SLC16A2: variants seen among roughly 807,000 people sequenced by gnomAD.
The protein encoded by SLC16A2 is solute carrier family 16 member 2.
In SLC16A2, 3 loss-of-function variants were observed where a neutral mutation model predicts 27.2. That is an observed-to-expected ratio of 0.11 (90% CI 0.05 to 0.28). SLC16A2 has a LOEUF of 0.28. Ranked by LOEUF, SLC16A2 falls within the 10% of genes least tolerant of loss-of-function variation. SLC16A2 has a pLI of 1.00. For missense variants in SLC16A2, 295 were observed against 458.5 expected (o/e 0.64, Z 3.26); for synonymous variants, 202 against 187.8 (o/e 1.08, Z -0.62).
chrX:74,421,956 G>A lies in SLC16A2; in HGVS notation c.319G>A (p.Ala107Thr). ...GGFGWVVVFA[A>T]TWCNGSIFGI... ...CTTCGGCTGGGTGGTGGTGTTCGCT[G>A]CCACCTGGTGCAACGGCTCCATCTT... is the stretch of plus-strand genomic sequence containing the variant. Residue 107 changes from alanine to threonine, a missense_variant, in exon 1 of 6, where the codon GCC becomes ACC. Coordinates refer to ENST00000587091, the MANE Select transcript of SLC16A2 (RefSeq NM_006517.5). The A allele has an allele frequency of 8.3e-7, 1 of 1,210,900 alleles. No homozygotes were observed. Among genetic ancestry groups the A allele is most frequent in the African/African-American group, 1.7e-5 (1 of 57,964 alleles).
intron 1 of SLC16A2, among the ~76,000 whole-genome samples, chrX:74,495,909 TG>T (rs1259142427): frequency 9.1e-6 from 1 of 109,515 alleles, no homozygotes; most frequent in Non-Finnish European, 1.9e-5. Flanking sequence ...GGTGGGAGAG[TG>T]GGGTCTAGAC....
intron 1 of SLC16A2, among the ~76,000 whole-genome samples, chrX:74,520,428 T>G (rs1930387274): frequency 8.9e-6 from 1 of 111,847 alleles, no homozygotes; most frequent in African/African-American, 3.3e-5. Flanking sequence ...CTTAAGAGCC[T>G]TTAGAAACAG....
At chrX:74,486,704 A>G (rs1463411329) in intron 1 of SLC16A2, among the ~76,000 whole-genome samples, 1 of 112,331 alleles carries the variant, frequency 8.9e-6, no homozygotes, top group Admixed American at 9.4e-5. Context: ...AGAACTAGAA[A>G]TACCATTTGA....
At chrX:74,425,889 G>A (rs1220111252) in intron 1 of SLC16A2, among the ~76,000 whole-genome samples, 1 of 112,060 alleles carries the variant, frequency 8.9e-6, no homozygotes, top group Non-Finnish European at 1.9e-5. Flanking sequence ...CTCCCAAGGG[G>A]GGTCAAGGCT....
chrX:74,485,006 C>T (rs989249410), intron 1 of SLC16A2, among the ~76,000 whole-genome samples: 2 of 111,291 alleles, frequency 1.8e-5, no homozygotes, highest in African/African-American at 3.3e-5. Flanking sequence ...CACCTGAGGT[C>T]GGGAGTTCGA....
chrX:74,428,130 C>T (rs1928450355), intron 1 of SLC16A2, among the ~76,000 whole-genome samples: 1 of 111,191 alleles, frequency 9.0e-6, no homozygotes, highest in Non-Finnish European at 1.9e-5. Context: ...TCCCAGTATT[C>T]AAATATTACT....
At chrX:74,428,177 T>A (rs1928451908) in intron 1 of SLC16A2, among the ~76,000 whole-genome samples, 2 of 111,191 alleles carry the variant, frequency 1.8e-5, no homozygotes, top group Non-Finnish European at 3.8e-5. Flanking sequence ...TCTCTCTGGC[T>A]TTAGGGGTGA....
intron 1 of SLC16A2, among the ~76,000 whole-genome samples, chrX:74,512,083 C>A (rs1930243261): frequency 8.9e-6 from 1 of 112,048 alleles, no homozygotes; most frequent in South Asian, 3.7e-4. Context: ...CTAATGCGTG[C>A]CCACCACCTG....
At chrX:74,445,268 A>G (rs1453929764) in intron 1 of SLC16A2, among the ~76,000 whole-genome samples, 1 of 111,171 alleles carries the variant, frequency 9.0e-6, no homozygotes, top group East Asian at 2.9e-4. Flanking sequence ...TGGATTCGCT[A>G]TTAAGATAAC....
intron 1 of SLC16A2, among the ~76,000 whole-genome samples, chrX:74,499,981 G>C (rs1375527498): frequency 9.0e-6 from 1 of 111,378 alleles, no homozygotes; most frequent in Non-Finnish European, 1.9e-5. Flanking sequence ...TATTCAGTAG[G>C]TTTGAGGGGA....
rs745829608 is a variant in SLC16A2 at position 74,421,778 on chromosome X, C to T, written c.141C>T (p.Pro47=). ...PEPEPEPVPV[P]PPEPQPEPQP... ...CCGAGCCCGAGCCCGTGCCAGTGCC[C>T]CCGCCCGAGCCCCAGCCGGAGCCCC... Residue 47 remains proline (P), a synonymous_variant, in exon 1 of 6, where the codon CCC becomes CCT. Transcript: ENST00000587091. The T allele has an allele frequency of 2.6e-6, 3 of 1,141,189 alleles. No homozygotes were observed. Among genetic ancestry groups the T allele is most frequent in the Non-Finnish European group, 3.5e-6 (3 of 853,945 alleles). 94.0% of individuals were successfully genotyped at this position (1,141,189 alleles called of 1,213,427 possible). A position where few individuals can be genotyped will look rare whatever the true frequency, so the allele number is the denominator to read the frequency against.
intron 2 of SLC16A2, 46 bp from the exon 3 acceptor site, chrX:74,524,313 T>C (rs973060020): frequency 2.5e-6 from 3 of 1,181,647 alleles, no homozygotes; most frequent in Non-Finnish European, 2.3e-6. Context: ...GGCAGGTAGA[T>C]TGCTGGTCAG....
intron 1 of SLC16A2, among the ~76,000 whole-genome samples, chrX:74,505,820 T>C (rs1930115468): frequency 8.9e-6 from 1 of 112,418 alleles, no homozygotes; most frequent in African/African-American, 3.2e-5. Flanking sequence ...TGGAAGCAGC[T>C]GCCCAAACTG....
At chrX:74,461,492 T>TGGAGAGAA (rs774489345) in intron 1 of SLC16A2, among the ~76,000 whole-genome samples, 1 of 107,729 alleles carries the variant, frequency 9.3e-6, no homozygotes, top group Non-Finnish European at 1.9e-5. Context: ...GAGGAAGAAT[T>TGGAGAGAA]GGAGAGAAGG....
At chrX:74,466,578 CA>C (rs895914308) in intron 1 of SLC16A2, among the ~76,000 whole-genome samples, 2 of 111,777 alleles carry the variant, frequency 1.8e-5, no homozygotes, top group African/African-American at 6.5e-5. Context: ...GGAGTAATGA[CA>C]AAAAAAGTCT....
intron 1 of SLC16A2, among the ~76,000 whole-genome samples, chrX:74,493,199 C>T (rs1370912048): frequency 8.9e-6 from 1 of 111,989 alleles, no homozygotes; most frequent in Non-Finnish European, 1.9e-5. Flanking sequence ...GTGTTGGTTA[C>T]TTCAGTCTAG....
At chrX:74,423,003 G>C (rs1263799881) in intron 1 of SLC16A2, among the ~76,000 whole-genome samples, 2 of 113,240 alleles carry the variant, frequency 1.8e-5, no homozygotes, top group Non-Finnish European at 3.7e-5. Context: ...GACAGAGTTG[G>C]GGGGCATAGC....
rs1274831689 is a variant in SLC16A2, at chrX:74,467,610, C to A, written c.430+45543C>A. Among the ~76,000 whole-genome samples, 3 of 111,925 alleles carry A rather than the reference C, an allele frequency of 2.7e-5. No individual in the cohort carries two copies. In the Admixed American group the frequency reaches 2.9e-4, roughly 11 times the overall value. ...TAGTATAGGCAAAGCCTTGTAGGAA[C>A]AAAGCCCTGAGGGAGGCAGCTCAGA... On this transcript the variant is annotated intron_variant, in intron 1 of 5. Transcript: ENST00000587091.
At chrX:74,483,947 TTGGGATTAGAGGA>T (rs990428021) in intron 1 of SLC16A2, among the ~76,000 whole-genome samples, 2 of 110,763 alleles carry the variant, frequency 1.8e-5, no homozygotes, top group Non-Finnish European at 3.8e-5. Context: ...AACATGGAGC[TTGGGATTAGAGGA>T]TGAGAGATTC....
Sources: allele counts gnomAD v4.1 joint callset (sites outside exome capture counted in the v4.1 genomes callset), GRCh38; gene constraint gnomAD v4.1.1; transcripts MANE v1.5; gene names NCBI Gene and HGNC (gene_info 2026-07-23, HGNC 2026-07-21).